B3GALT1: variants seen among roughly 807,000 people sequenced by gnomAD.
B3GALT1 encodes UDP-Gal:betaGlcNAc beta 1,3-galactosyltransferase, polypeptide 1.
In B3GALT1, 10 loss-of-function variants were observed where a neutral mutation model predicts 23.2. The ratio of observed to expected loss-of-function variants is 0.43; its 90% CI spans 0.27 to 0.73. B3GALT1 has a LOEUF of 0.73. Among genes scored for constraint, B3GALT1 ranks in the 30% least tolerant of loss-of-function variants. B3GALT1 has a pLI of 0.21. For synonymous variants in B3GALT1, 156 were observed against 141.5 expected (o/e 1.10, Z -0.73); for missense variants, 299 against 405.4 (o/e 0.74, Z 2.25).
chr2:167,747,224 A>G (rs899686349), intron 3 of B3GALT1, among the ~76,000 whole-genome samples: 2 of 152,148 alleles, frequency 1.3e-5, no homozygotes, highest in African/African-American at 4.8e-5. Flanking sequence ...GGCAGCCAAG[A>G]TGTTGGGGTT....
intron 2 of B3GALT1, among the ~76,000 whole-genome samples, chr2:167,505,273 G>A (rs979417292): frequency 6.6e-6 from 1 of 152,078 alleles, no homozygotes; most frequent in Admixed American, 6.6e-5. Context: ...GAACCATGTG[G>A]ATGTCTTAAC....
chr2:167,389,936 AAG>A (rs1462586921), intron 1 of B3GALT1, among the ~76,000 whole-genome samples: 26 of 147,330 alleles, frequency 1.8e-4, no homozygotes, highest in Admixed American at 1.1e-3. Context: ...AAAAAAAAAA[AAG>A]AAAGAAAAGA....
chr2:167,666,208 C>T (rs1194635249), intron 3 of B3GALT1, among the ~76,000 whole-genome samples: 3 of 152,144 alleles, frequency 2.0e-5, no homozygotes, highest in Non-Finnish European at 2.9e-5. Flanking sequence ...TCATTATGTA[C>T]CCAGTAGTCC....
chr2:167,632,262 C>T (rs1318550563), intron 2 of B3GALT1, among the ~76,000 whole-genome samples: 2 of 152,018 alleles, frequency 1.3e-5, no homozygotes, highest in South Asian at 2.1e-4. Context: ...CATACTTTTG[C>T]ATGTGTCTTT....
rs540710022 is a variant in B3GALT1, at chr2:167,572,785, A to T, written c.-409-74124A>T. Among the ~76,000 whole-genome samples, 171 of 151,882 alleles carry T rather than the reference A, an allele frequency of 1.1e-3. 3 individuals carry two copies. Among genetic ancestry groups the T allele is most frequent in the Middle Eastern group, 3.4e-3 (1 of 294 alleles). Reference sequence around the variant, plus strand: ...TGTCCGTATTTTTACTCCTAAGGTGACTACCTGGATGCCAAAAGGAGCCCT... The same window carrying T: ...TGTCCGTATTTTTACTCCTAAGGTGTCTACCTGGATGCCAAAAGGAGCCCT... On this transcript the variant is annotated intron_variant, in intron 2 of 4. Transcript: ENST00000392690.
At chr2:167,718,649 A>G (rs1380094760) in intron 3 of B3GALT1, among the ~76,000 whole-genome samples, 1 of 152,208 alleles carries the variant, frequency 6.6e-6, no homozygotes, top group East Asian at 1.9e-4. Context: ...AAAATTGAAG[A>G]CCCAAGAAAC....
chr2:167,662,057 T>C (rs950628815), intron 3 of B3GALT1, among the ~76,000 whole-genome samples: 76 of 138,976 alleles, frequency 5.5e-4, no homozygotes, highest in African/African-American at 1.7e-3. Flanking sequence ...TGATCCTGTA[T>C]ATGTTTTCAG....
intron 3 of B3GALT1, among the ~76,000 whole-genome samples, chr2:167,803,716 T>C: frequency 6.6e-6 from 1 of 152,162 alleles, no homozygotes; most frequent in East Asian, 1.9e-4. Flanking sequence ...GCCTCATAAA[T>C]GAAAGAACAT....
At position 167,487,989 on chromosome 2, in the gene B3GALT1, T is replaced by C. The variant is rs142654820; in HGVS notation, c.-510-2188T>C. The stretch of plus-strand genomic sequence containing the variant: ...GTCATTTAACACCATGTTATTCCTG[T>C]GGACAGCTGTATATGTAAAATGCCT... On this transcript the variant is annotated intron_variant, in intron 1 of 4. Transcript: ENST00000392690. Among the ~76,000 whole-genome samples, 514 of 152,274 alleles carry C rather than the reference T, an allele frequency of 3.4e-3. 5 individuals carry two copies. Among genetic ancestry groups the C allele is most frequent in the South Asian group, 6.7e-3 (32 of 4,812 alleles).
intron 1 of B3GALT1, among the ~76,000 whole-genome samples, chr2:167,447,281 T>C (rs567334698): frequency 2.3e-4 from 35 of 152,118 alleles, no homozygotes; most frequent in African/African-American, 8.4e-4. Context: ...TACTGGGGGG[T>C]GCCTCCCAGT....
chr2:167,869,807 C>A lies in B3GALT1; in HGVS notation c.768C>A (p.Leu256=), dbSNP rs143825929. 5.0e-6 allele frequency: 8 copies of A among 1,614,094 alleles called. No individual in the cohort carries two copies. Among genetic ancestry groups the A allele is most frequent in the Non-Finnish European group, 6.8e-6 (8 of 1,179,984 alleles). Reference sequence around the variant, plus strand: ...CTGAACTCATTTACAAGACCTCACTCCACACAAGGCTGCTTCACCTTGAAG... The same window carrying A: ...CTGAACTCATTTACAAGACCTCACTACACACAAGGCTGCTTCACCTTGAAG... ...DVAELIYKTS[L]HTRLLHLEDV... The change falls in exon 5 of 5, where the codon CTC becomes CTA. Residue 256 remains leucine, a synonymous_variant. Transcript: ENST00000392690. This position sits in a 1 kb window ranked among gnomAD's most constrained non-coding sequence, Gnocchi z 6.4.
chr2:167,849,683 C>T (rs1032527852), intron 4 of B3GALT1, among the ~76,000 whole-genome samples: 2 of 151,894 alleles, frequency 1.3e-5, no homozygotes, highest in African/African-American at 2.4e-5. Context: ...GTCAGGAGAT[C>T]GAGACCATCC....
chr2:167,380,486 G>A (rs1697833469), intron 1 of B3GALT1, among the ~76,000 whole-genome samples: 1 of 152,106 alleles, frequency 6.6e-6, no homozygotes, highest in South Asian at 2.1e-4. Flanking sequence ...CACAGCTCTG[G>A]CTGTGGAAGC....
chr2:167,389,110 T>C (rs1697977091), intron 1 of B3GALT1, among the ~76,000 whole-genome samples: 1 of 152,212 alleles, frequency 6.6e-6, no homozygotes, highest in African/African-American at 2.4e-5. Context: ...AGAGCCAGTA[T>C]ATTATATAAG....
chr2:167,728,763 G>A (rs552838612), intron 3 of B3GALT1, among the ~76,000 whole-genome samples: 5 of 152,050 alleles, frequency 3.3e-5, no homozygotes, highest in South Asian at 2.1e-4. Flanking sequence ...TTGTTTAATT[G>A]TATACAGACA....
intron 1 of B3GALT1, among the ~76,000 whole-genome samples, chr2:167,365,742 T>C (rs1697575626): frequency 6.6e-6 from 1 of 151,978 alleles, no homozygotes; most frequent in Admixed American, 6.6e-5. Flanking sequence ...AAAAAGATGG[T>C]CCTAAAATCT....
intron 1 of B3GALT1, among the ~76,000 whole-genome samples, chr2:167,467,852 A>C (rs1699370794): frequency 6.6e-6 from 1 of 152,224 alleles, no homozygotes; most frequent in African/African-American, 2.4e-5. Context: ...TCATTCAAAA[A>C]TATATATTAA....
At chr2:167,783,297 G>A (rs1158958817) in intron 3 of B3GALT1, among the ~76,000 whole-genome samples, 1 of 152,124 alleles carries the variant, frequency 6.6e-6, no homozygotes, top group Non-Finnish European at 1.5e-5. Context: ...GCCCACATGA[G>A]GACATTTTTC....
intron 3 of B3GALT1, among the ~76,000 whole-genome samples, chr2:167,783,086 G>A (rs567277787): frequency 6.6e-6 from 1 of 152,106 alleles, no homozygotes; most frequent in South Asian, 2.1e-4. Flanking sequence ...GGGGGAATAA[G>A]GTGGATAATT....
Sources: allele counts gnomAD v4.1 joint callset (sites outside exome capture counted in the v4.1 genomes callset), GRCh38; gene constraint gnomAD v4.1.1; non-coding constraint Gnocchi (gnomAD v3.1); transcripts MANE v1.5; gene names NCBI Gene and HGNC (gene_info 2026-07-23, HGNC 2026-07-21).